CWF19L2: variants seen among roughly 807,000 people sequenced by gnomAD.
CWF19L2 encodes the protein CWF19-like protein 2.
CWF19L2 carries 98 observed loss-of-function variants against 111.7 expected under a neutral mutation model. The ratio of observed to expected loss-of-function variants is 0.88; its 90% confidence interval spans 0.75 to 1.04. The LOEUF (loss-of-function observed/expected upper bound fraction) is 1.04, where lower values mean the gene tolerates loss of function less well. Ranked by LOEUF, CWF19L2 falls within the 50% of genes least tolerant of loss-of-function variation. The probability of loss-of-function intolerance (pLI) is 0.00; values close to 1 mark genes in which losing one functional copy is unlikely to be tolerated. For synonymous variants in CWF19L2, 351 were observed against 342.9 expected (o/e 1.02, Z -0.26); for missense variants, 1,101 against 1,051.4 (o/e 1.05, Z -0.65).
chr11:107,429,661 T>A (rs763687920), intron 7 of CWF19L2, among the ~76,000 whole-genome samples: 1 of 151,968 alleles, frequency 6.6e-6, no homozygotes, highest in Non-Finnish European at 1.5e-5. Flanking sequence ...ACAAAAAGAT[T>A]CCAAAAGGAT....
In CWF19L2 at chr11:107,438,993, G is replaced by A. The variant is rs542742562; in HGVS notation, c.664+97C>T. ...GTGGAGGCTGCAGTGAGCCATGATC[G>A]CACCACTGCACTCCCTGGCTGACAG... On this transcript the variant is annotated intron_variant, in intron 6 of 17. Transcript: ENST00000282251. 2.9e-4 allele frequency: 168 copies of A among 583,580 alleles called. 2 individuals carry two copies. In the East Asian group the frequency reaches 5.1e-3, roughly 18 times the overall value. 36.2% of individuals were successfully genotyped at this position (583,580 alleles called of 1,614,324 possible).
chr11:107,403,370 T>C, intron 10 of CWF19L2: 1 of 611,284 alleles, frequency 1.6e-6, no homozygotes, highest in Non-Finnish European at 2.9e-6. Context: ...TTTAAAAAAC[T>C]ATTTAGAACA....
At chr11:107,415,399 C>T (rs1461546576) in intron 10 of CWF19L2, among the ~76,000 whole-genome samples, 1 of 152,192 alleles carries the variant, frequency 6.6e-6, no homozygotes, top group East Asian at 1.9e-4. Flanking sequence ...CTTTCTGATA[C>T]ACTGTATTAT....
rs372051747 is a variant in CWF19L2 at position 107,418,335 on chromosome 11, C to T, written c.1434-48G>A. ...CAGCATATGAAATATAGGTGCGATGCAAGCAATAACATCAAGACTCAAATG... is the reference window on the plus strand; with the variant it reads ...CAGCATATGAAATATAGGTGCGATGTAAGCAATAACATCAAGACTCAAATG... On this transcript the variant is annotated intron_variant, in intron 8 of 17. Transcript: ENST00000282251. 5.1e-5 allele frequency: 58 copies of T among 1,137,494 alleles called. No homozygotes were observed. The African/African-American group carries it at 8.5e-4, about 17-fold the overall frequency. 70.5% of individuals were successfully genotyped at this position (1,137,494 alleles called of 1,614,324 possible).
chr11:107,452,371 T>C lies in CWF19L2; in HGVS notation c.339+2079A>G, dbSNP rs561707542. 2.2e-4 allele frequency among the ~76,000 whole-genome samples: 33 copies of C among 152,024 alleles called. No homozygotes were observed. The East Asian group carries it at 6.2e-3, about 29-fold the overall frequency. ...ATTTAATTTAAAATTCCACTCACGA[T>C]AGCACTTCCAGAAAACAAAATGGAA... On this transcript the variant is annotated intron_variant, in intron 3 of 17. Coordinates refer to ENST00000282251, the MANE Select transcript of CWF19L2 (RefSeq NM_152434.3).
chr11:107,417,909 G>A (rs984825219), intron 9 of CWF19L2, among the ~76,000 whole-genome samples: 6 of 151,938 alleles, frequency 3.9e-5, no homozygotes, highest in African/African-American at 1.5e-4. Flanking sequence ...ACAGGCATGC[G>A]CCACCACACC....
intron 10 of CWF19L2, among the ~76,000 whole-genome samples, chr11:107,405,007 T>A (rs1214635680): frequency 3.9e-5 from 6 of 152,240 alleles, no homozygotes; most frequent in Non-Finnish European, 8.8e-5. Context: ...CTTAAGAATC[T>A]GTATCAGTGT....
intron 7 of CWF19L2, among the ~76,000 whole-genome samples, chr11:107,433,316 T>G (rs939245734): frequency 4.6e-5 from 7 of 152,080 alleles, no homozygotes; most frequent in Admixed American, 2.6e-4. Context: ...CTCTGGAATA[T>G]AAAAAATTTC....
At chr11:107,364,364 A>G (rs1174577030) in intron 12 of CWF19L2, among the ~76,000 whole-genome samples, 6 of 148,258 alleles carry the variant, frequency 4.0e-5, no homozygotes, top group African/African-American at 1.3e-4. Flanking sequence ...AATCAACAGA[A>G]TATACATTTT....
intron 14 of CWF19L2, among the ~76,000 whole-genome samples, chr11:107,338,957 T>C (rs1255522320): frequency 1.3e-5 from 2 of 152,214 alleles, no homozygotes; most frequent in Admixed American, 1.3e-4. Context: ...CTGGGTCAAA[T>C]GGTATGCCTC....
chr11:107,404,703 T>C, intron 10 of CWF19L2: 1 of 382,102 alleles, frequency 2.6e-6, no homozygotes, highest in Non-Finnish European at 5.0e-6. Context: ...CCAAGCTGTA[T>C]ACTGTTTTGT....
rs757810746 is a variant in CWF19L2 at position 107,392,856 on chromosome 11, G to C, written c.1657C>G (p.Gln553Glu). The change falls in exon 11 of 18, where the codon CAG becomes GAG. Residue 553 changes from glutamine (Q) to glutamate (E), a missense_variant. Transcript: ENST00000282251. ...TTCACAGGCCATACTCTTCCAGACT[G>C]ATCTGTTCTGACAAGGATTACTTCT... ...QQEVILVRTD[Q>E]SGRVWPVNTP... The C allele has an allele frequency of 4.4e-6, 7 of 1,584,118 alleles. No individual in the cohort carries two copies. In the African/African-American group the frequency reaches 8.3e-5, roughly 19 times the overall value.
chr11:107,348,399 T>A (rs964097543), intron 14 of CWF19L2, among the ~76,000 whole-genome samples: 1 of 152,126 alleles, frequency 6.6e-6, no homozygotes, highest in African/African-American at 2.4e-5. Context: ...TCTTAAAGCA[T>A]CAGCCACAAA....
At chr11:107,451,990 C>T (rs1861784648) in intron 3 of CWF19L2, among the ~76,000 whole-genome samples, 1 of 152,100 alleles carries the variant, frequency 6.6e-6, no homozygotes, top group Admixed American at 6.6e-5. Flanking sequence ...ATGTAAAAAC[C>T]TGAATGCTTT....
At position 107,353,633 on chromosome 11, in the gene CWF19L2, T is replaced by C. The variant is rs1487128511; in HGVS notation, c.1976A>G (p.Lys659Arg). The C allele has an allele frequency of 1.9e-6, 3 of 1,613,900 alleles. No homozygotes were observed. Among genetic ancestry groups the C allele is most frequent in the Non-Finnish European group, 2.5e-6 (3 of 1,179,800 alleles). ...RLGEEEENQR[K>R]KAIAEHRSLA... ...ACTCCGATGCTCAGCAATAGCTTTT[T>C]TCCTTTGGTTCTCTTCCTCTTCACC... The change falls in exon 13 of 18, where the codon AAA (lysine) becomes AGA (arginine). Residue 659 changes from lysine (K) to arginine (R), a missense_variant. Coordinates refer to ENST00000282251, the MANE Select transcript of CWF19L2 (RefSeq NM_152434.3).
chr11:107,426,366 C>A lies in CWF19L2; in HGVS notation c.1433+2433G>T, dbSNP rs528204539. Among the ~76,000 whole-genome samples the A allele has an allele frequency of 2.3e-4, 35 of 151,954 alleles. 1 individual carries two copies. The South Asian group carries it at 7.3e-3, about 32-fold the overall frequency. ...TATCAGCAAGAAGTAGGAGAAAAGT[C>A]ATTCCAATGCAATATAAAAGTCTAA... is the stretch of plus-strand genomic sequence containing the variant. On this transcript the variant is annotated intron_variant, in intron 8 of 17. Transcript: ENST00000282251.
At chr11:107,453,046 C>A (rs73000130) in intron 3 of CWF19L2, among the ~76,000 whole-genome samples, 141 of 151,424 alleles carry the variant, frequency 9.3e-4, no homozygotes, top group African/African-American at 3.2e-3. Context: ...TCTTGAGGTG[C>A]GCAAAAATTA....
At position 107,373,351 on chromosome 11, in the gene CWF19L2, T is replaced by C. The variant is rs865805025; in HGVS notation, c.1872+16723A>G. On this transcript the variant is annotated intron_variant, in intron 12 of 17. Transcript: ENST00000282251. ...ACAAACAAAAAGACAGCAGTAACCTTCGCAGACTTAAATGCCCCTGTCTGA... is the reference window on the plus strand; with the variant it reads ...ACAAACAAAAAGACAGCAGTAACCTCCGCAGACTTAAATGCCCCTGTCTGA... 6.1e-5 allele frequency among the ~76,000 whole-genome samples: 8 copies of C among 131,120 alleles called. 1 individual carries two copies. In the East Asian group the frequency reaches 6.8e-4, roughly 11 times the overall value. 86.0% of individuals were successfully genotyped at this position (131,120 alleles called of 152,430 possible).
At chr11:107,429,757 C>T (rs1359039494) in intron 7 of CWF19L2, among the ~76,000 whole-genome samples, 1 of 149,698 alleles carries the variant, frequency 6.7e-6, no homozygotes, top group Non-Finnish European at 1.5e-5. Context: ...TACTTAATTC[C>T]TACTGGTTGT....
Sources: allele counts gnomAD v4.1 joint callset (sites outside exome capture counted in the v4.1 genomes callset), GRCh38; gene constraint gnomAD v4.1.1; transcripts MANE v1.5; gene names NCBI Gene and HGNC (gene_info 2026-07-23, HGNC 2026-07-21).